Variants in ABCB4 observed in about 807,000 individuals in gnomAD.
The protein encoded by ABCB4 is ATP binding cassette subfamily B member 4.
Under a neutral mutation model 145.7 loss-of-function variants are expected in ABCB4, and 76 were observed. The observed-to-expected ratio is 0.52, with a 90% CI of 0.43 to 0.63. The LOEUF is 0.63. Ranked by LOEUF, ABCB4 falls within the 30% of genes least tolerant of loss-of-function variation. ABCB4 has a pLI of 0.00. For synonymous variants in ABCB4, 517 were observed against 566.8 expected, an observed-to-expected ratio of 0.91 and a Z score of 1.25; for missense variants, 1,234 against 1,553.1, an observed-to-expected ratio of 0.79 and a Z score of 3.45.
chr7:87,379,772 G>A, the ABCB4 span, among the ~76,000 whole-genome samples: 1 of 152,162 alleles, frequency 6.6e-6, no homozygotes, highest in Non-Finnish European at 1.5e-5. Context: ...AACCTAAGAT[G>A]ATTATAGAGG....
In ABCB4 at chr7:87,450,109, C is replaced by T; in HGVS notation, c.709-17G>A. 6.2e-7 allele frequency: 1 copy of T among 1,613,724 alleles called. No homozygotes were observed. The highest frequency in any genetic ancestry group is 8.5e-7 in the Non-Finnish European group (1 of 1,179,892). ...CGAGAGTATCTGGACAGAAAAGAAA[C>T]AGTGATCACTTTTGTATAGGGAGAA... On this transcript the variant is annotated splice_polypyrimidine_tract_variant and intron_variant, in intron 7 of 27. Coordinates refer to ENST00000649586, the MANE Select transcript of ABCB4 (RefSeq NM_000443.4).
At chr7:87,470,583 A>G (rs1813304636) in intron 3 of ABCB4, among the ~76,000 whole-genome samples, 1 of 152,252 alleles carries the variant, frequency 6.6e-6, no homozygotes, top group African/African-American at 2.4e-5. Context: ...TCCTCAAAAG[A>G]AGACATTTAT....
At chr7:87,456,639 A>G (rs1273244744) in intron 4 of ABCB4, among the ~76,000 whole-genome samples, 1 of 152,204 alleles carries the variant, frequency 6.6e-6, no homozygotes, top group Non-Finnish European at 1.5e-5. Context: ...TATTTTCTTC[A>G]TAAATTACCC....
chr7:87,408,346 A>G, intron 24 of ABCB4, 112 bp from the exon 25 acceptor site: 1 of 1,115,854 alleles, frequency 9.0e-7, no homozygotes, highest in Non-Finnish European at 1.3e-6. Flanking sequence ...CATAAAATTC[A>G]TATTTGGTAT....
intron 3 of ABCB4, among the ~76,000 whole-genome samples, chr7:87,465,403 G>C (rs187334081): frequency 6.6e-6 from 1 of 152,126 alleles, no homozygotes; most frequent in Non-Finnish European, 1.5e-5. Flanking sequence ...TAAACAAAGC[G>C]GCCAGGAACT....
rs1808191810 is a variant in ABCB4, at chr7:87,406,364, CG to C, written c.3409del (p.Arg1137GlyfsTer9). The C allele has an allele frequency of 6.2e-7, 1 of 1,613,916 alleles. No homozygotes were observed. Among genetic ancestry groups the C allele is most frequent in the Non-Finnish European group, 8.5e-7 (1 of 1,179,990 alleles). ...CACAATTTCATCCTGTGATACAACCCGGCTGTTGTCTCCATAGGCAATATTC... is the reference window on the plus strand; with the variant it reads ...CACAATTTCATCCTGTGATACAACCCGCTGTTGTCTCCATAGGCAATATTC... ...AENIAYGDNSRVVSQDEIVSA... is the reference protein window; with the variant it reads ...AENIAYGDNSXVVSQDEIVSA... On this transcript the variant is annotated frameshift_variant, in exon 26 of 28. Coordinates refer to ENST00000649586, the MANE Select transcript of ABCB4 (RefSeq NM_000443.4). LOFTEE classifies it high-confidence loss of function.
At chr7:87,422,057 G>A in intron 18 of ABCB4, 64 bp downstream of exon 18, 1 of 1,197,288 alleles carries the variant, frequency 8.4e-7, no homozygotes, top group Non-Finnish European at 1.2e-6. Context: ...GCTCCATTAG[G>A]TTTAATTTAA....
chr7:87,423,227 T>C (rs748300738), intron 17 of ABCB4, among the ~76,000 whole-genome samples: 2 of 152,238 alleles, frequency 1.3e-5, no homozygotes, highest in Non-Finnish European at 2.9e-5. Context: ...ATGGAATTGA[T>C]GGAGGCTTTA....
the ABCB4 span, among the ~76,000 whole-genome samples, chr7:87,388,872 AACCACCTG>A: frequency 1.3e-5 from 2 of 152,200 alleles, no homozygotes; most frequent in Non-Finnish European, 2.9e-5. Context: ...TTTGCAATCT[AACCACCTG>A]ACAAAGGGCT....
chr7:87,468,137 A>C (rs1283982631), intron 3 of ABCB4, among the ~76,000 whole-genome samples: 1 of 152,242 alleles, frequency 6.6e-6, no homozygotes, highest in Non-Finnish European at 1.5e-5. Context: ...AACAAAATTG[A>C]TTGACTGCTA....
In ABCB4 at chr7:87,452,949, T is replaced by C; in HGVS notation, c.531A>G (p.Leu177=). 1 of 1,613,938 alleles carries C rather than the reference T, an allele frequency of 6.2e-7. No individual in the cohort carries two copies. Among genetic ancestry groups the C allele is most frequent in the Non-Finnish European group, 8.5e-7 (1 of 1,179,826 alleles). ...INDTTELNTR[L]TDDISKISEG... ...GACATTAACAATGTACCTACTCTGT[T>C]AGCCGCGTATTGAGTTCAGTGGTGT... The change falls in exon 6 of 28, where the codon CTA becomes CTG. Residue 177 remains leucine, a synonymous_variant. Coordinates refer to ENST00000649586, the MANE Select transcript of ABCB4 (RefSeq NM_000443.4).
chr7:87,440,317 A>C lies in ABCB4; in HGVS notation c.1442T>G (p.Leu481Arg). The C allele has an allele frequency of 1.2e-6, 2 of 1,614,180 alleles. No individual in the cohort carries two copies. The highest frequency in any genetic ancestry group is 1.7e-6 in the Non-Finnish European group (2 of 1,180,030). The part of the protein sequence containing the change: ...IIGVVSQEPV[L>R]FSTTIAENIC... Reference sequence around the variant, plus strand: ...ATTTTCAGCAATTGTGGTGGAAAACAGCACCGGCTCCTGACTCACCACACC... The same window carrying C: ...ATTTTCAGCAATTGTGGTGGAAAACCGCACCGGCTCCTGACTCACCACACC... The change falls in exon 13 of 28, where the codon CTG becomes CGG. Residue 481 changes from leucine to arginine, a missense_variant. Coordinates refer to ENST00000649586, the MANE Select transcript of ABCB4 (RefSeq NM_000443.4).
chr7:87,371,724 C>T, the ABCB4 span, among the ~76,000 whole-genome samples: 9 of 152,102 alleles, frequency 5.9e-5, no homozygotes, highest in Non-Finnish European at 1.3e-4. Flanking sequence ...GACACAGTGG[C>T]TCATGCCTGT....
the ABCB4 span, among the ~76,000 whole-genome samples, chr7:87,366,950 GCCTTTCGCTCT>G: frequency 6.6e-6 from 1 of 152,150 alleles, no homozygotes; most frequent in Admixed American, 6.5e-5. Flanking sequence ...ACTGTTTTAT[GCCTTTCGCTCT>G]CCTTCTTGTT....
At chr7:87,398,338 A>G, downstream of ABCB4, 1 of 722,060 alleles carries the variant, frequency 1.4e-6, no homozygotes, top group Non-Finnish European at 2.5e-6. Context: ...CTAATGAATG[A>G]GGTGTTTCTT....
intron 23 of ABCB4, 63 bp downstream of exon 23, chr7:87,411,830 C>A: frequency 6.5e-7 from 1 of 1,545,086 alleles, no homozygotes; most frequent in Non-Finnish European, 8.9e-7. Context: ...CTACTCTAAA[C>A]TTTTGCATAA....
chr7:87,431,663 G>A, intron 14 of ABCB4, 98 bp from the exon 15 acceptor site: 1 of 1,448,348 alleles, frequency 6.9e-7, no homozygotes, highest in Non-Finnish European at 9.6e-7. Flanking sequence ...GTTTGTAGAT[G>A]ATTAGAGAGT....
intron 26 of ABCB4, among the ~76,000 whole-genome samples, chr7:87,405,539 G>T (rs184862683): frequency 6.7e-6 from 1 of 150,032 alleles, no homozygotes; most frequent in Non-Finnish European, 1.5e-5. Flanking sequence ...CGATTCTCCC[G>T]CCTCAGCCTC....
chr7:87,404,805 AG>A (rs1430097098), intron 26 of ABCB4, among the ~76,000 whole-genome samples: 1 of 152,244 alleles, frequency 6.6e-6, no homozygotes, highest in Non-Finnish European at 1.5e-5. Context: ...TGCATATTAA[AG>A]CCACAGTGAT....
Sources: gnomAD v4.1 joint callset for allele counts (sites outside exome capture counted in the v4.1 genomes callset) on GRCh38, gnomAD v4.1.1 for gene constraint, MANE v1.5 for transcripts, NCBI Gene and HGNC (gene_info 2026-07-23, HGNC 2026-07-21) for gene names.